TMEM67: variants seen among roughly 807,000 people sequenced by gnomAD.
The protein encoded by TMEM67 is transmembrane protein 67.
Under a neutral mutation model 136.6 loss-of-function variants are expected in TMEM67, and 124 were observed. The ratio of observed to expected loss-of-function variants is 0.91; its 90% CI spans 0.78 to 1.05. TMEM67 has a LOEUF of 1.05. TMEM67 is among the 50% of genes least tolerant of loss of function. The pLI, the probability that TMEM67 is intolerant of heterozygous loss-of-function variation, is 0.00. For missense variants in TMEM67, 1,107 were observed against 1,178.4 expected (o/e 0.94, Z 0.89); for synonymous variants, 364 against 390.5 (o/e 0.93, Z 0.80).
At chr8:93,791,132 C>T in intron 14 of TMEM67, 131 bp from the exon 15 acceptor site, 1 of 640,996 alleles carries the variant, frequency 1.6e-6, no homozygotes, top group Non-Finnish European at 2.8e-6. Flanking sequence ...TAAAGGTCAA[C>T]TCTAGTAATA....
chr8:93,819,195 A>AT (rs761600404), downstream of TMEM67: 5 of 440,494 alleles, frequency 1.1e-5, no homozygotes, highest in South Asian at 5.0e-5. Flanking sequence ...CCCAAAATAT[A>AT]TTTTTTTCTT....
rs1204237859 is a variant in TMEM67, at chr8:93,771,263, A to C, written c.652-1326A>C. On this transcript the variant is annotated intron_variant, in intron 6 of 27. Transcript: ENST00000453321. The stretch of plus-strand genomic sequence containing the variant: ...TTTTCTCTGTGCTTTTTTTTTTTTA[A>C]AAAAAAGCTTTATTATGAACTGTAG... Among the ~76,000 whole-genome samples, 3 of 149,708 alleles carry C rather than the reference A, an allele frequency of 2.0e-5. No homozygotes were observed. The East Asian group carries it at 5.8e-4, about 29-fold the overall frequency.
At chr8:93,827,776 T>C in the TMEM67 span, among the ~76,000 whole-genome samples, 1 of 151,504 alleles carries the variant, frequency 6.6e-6, no homozygotes, top group Non-Finnish European at 1.5e-5. Flanking sequence ...TTTTTTTTTT[T>C]ACTATGGAAC....
rs1808627617 is a variant in TMEM67 at position 93,809,865 on chromosome 8, G to A, written c.2742G>A (p.Met914Ile). 6.2e-7 allele frequency: 1 copy of A among 1,605,198 alleles called. No individual in the cohort carries two copies. Among genetic ancestry groups the A allele is most frequent in the Non-Finnish European group, 8.5e-7 (1 of 1,173,158 alleles). ...RILGMEFMEP[M>I]EKSIFYNDEG... is the part of the protein sequence containing the mutation. ...TTGGAATGGAATTCATGGAACCAAT[G>A]GAAAAAAGCATCTTTTACAATGGTA... Residue 914 changes from methionine (M) to isoleucine (I), a missense_variant, in exon 26 of 28, where the codon ATG (methionine) becomes ATA (isoleucine). Met to Ile is a conservative substitution (Grantham distance 10). Transcript: ENST00000453321.
At chr8:93,763,337 A>C (rs559380482) in intron 3 of TMEM67, among the ~76,000 whole-genome samples, 1 of 152,340 alleles carries the variant, frequency 6.6e-6, no homozygotes, top group South Asian at 2.1e-4. Context: ...GCCTCAGTGA[A>C]TATCCTTATA....
At chr8:93,782,281 G>T in intron 10 of TMEM67, 114 bp from the exon 11 acceptor site, 1 of 778,892 alleles carries the variant, frequency 1.3e-6, no homozygotes, top group Non-Finnish European at 2.2e-6. Context: ...TCATATCCTT[G>T]ATACATTAAA....
chr8:93,797,352 C>T lies in TMEM67; in HGVS notation c.1982C>T (p.Ala661Val), dbSNP rs1015328780. Residue 661 changes from alanine to valine, a missense_variant, in exon 20 of 28, where the codon GCC becomes GTC. Transcript: ENST00000453321. ...CCAGGTGAGGGTGGTGTACGAAGTG[C>T]CACTGTTCCTGTAAGCATATGGAGA... ...AVEGEGGVRS[A>V]TVPVSIWRTY... 1.9e-6 allele frequency: 3 copies of T among 1,614,032 alleles called. No homozygotes were observed. The highest frequency in any genetic ancestry group is 1.7e-6 in the Non-Finnish European group (2 of 1,179,956).
At chr8:93,771,535 A>G (rs1344643953) in intron 6 of TMEM67, among the ~76,000 whole-genome samples, 1 of 152,236 alleles carries the variant, frequency 6.6e-6, no homozygotes, top group South Asian at 2.1e-4. Flanking sequence ...GTATCTCCAG[A>G]GAATATTTAG....
chr8:93,787,306 C>T (rs1814156275), intron 13 of TMEM67, among the ~76,000 whole-genome samples: 1 of 151,648 alleles, frequency 6.6e-6, no homozygotes. Context: ...CGGGGTCTTG[C>T]TATGTTGCCC....
intron 7 of TMEM67, among the ~76,000 whole-genome samples, chr8:93,774,177 G>A (rs980712662): frequency 6.6e-6 from 1 of 151,974 alleles, no homozygotes; most frequent in Non-Finnish European, 1.5e-5. Flanking sequence ...ACCACACTCA[G>A]CTAATTTTTC....
chr8:93,776,772 T>TTTTG (rs1203399591), intron 7 of TMEM67, among the ~76,000 whole-genome samples: 4 of 152,186 alleles, frequency 2.6e-5, no homozygotes, highest in Non-Finnish European at 5.9e-5. Flanking sequence ...TATTGAGGAT[T>TTTTG]TTTGCATCGA....
Position 93,755,846 on chromosome 8 carries a change from A to T in TMEM67, c.292A>T (p.Lys98Ter). 1 of 1,590,852 alleles carries T rather than the reference A, an allele frequency of 6.3e-7. No homozygotes were observed. Among genetic ancestry groups the T allele is most frequent in the Non-Finnish European group, 8.6e-7 (1 of 1,166,394 alleles). The change falls in exon 2 of 28, where the codon AAA becomes TAA. Residue 98 changes from lysine to a stop codon, truncating the protein, a stop_gained. Coordinates refer to ENST00000453321, the MANE Select transcript of TMEM67 (RefSeq NM_153704.6). LOFTEE classifies it high-confidence loss of function. ...TAATGGAGGACCTGCTATTATTTGT[A>T]AAAAGTGCCCAGAAAACATGGTGCG... ...SNNGGPAIIC[K>*]KCPENMKGVT...
At chr8:93,771,617 G>T (rs779584156) in intron 6 of TMEM67, among the ~76,000 whole-genome samples, 1 of 152,184 alleles carries the variant, frequency 6.6e-6, no homozygotes, top group Non-Finnish European at 1.5e-5. Context: ...ATTGCTTTAA[G>T]ATAAATTTCC....
intron 7 of TMEM67, among the ~76,000 whole-genome samples, chr8:93,779,335 G>A (rs575838568): frequency 2.0e-5 from 3 of 152,208 alleles, no homozygotes; most frequent in Non-Finnish European, 4.4e-5. Context: ...TGTTATTACC[G>A]ACCTTCTGAA....
chr8:93,759,976 A>G, intron 3 of TMEM67: 1 of 1,530,160 alleles, frequency 6.5e-7, no homozygotes, highest in Non-Finnish European at 8.8e-7. Flanking sequence ...GGAATGTACA[A>G]CATAATTGAA....
the TMEM67 span, among the ~76,000 whole-genome samples, chr8:93,830,575 G>T: frequency 6.6e-6 from 1 of 152,172 alleles, no homozygotes; most frequent in African/African-American, 2.4e-5. Context: ...GTTGGTGTCC[G>T]CTGCAGAACT....
In TMEM67 at chr8:93,765,373, C is replaced by G. The variant is rs1209563338; in HGVS notation, c.507-33C>G. ...TATTAGGTTTAGTATAATTTATTAA[C>G]ATTTTTAAAATTATTTTTGTTATAT... is the stretch of plus-strand genomic sequence containing the variant. On this transcript the variant is annotated intron_variant, in intron 4 of 27. Transcript: ENST00000453321. 2.6e-6 allele frequency: 4 copies of G among 1,548,806 alleles called. No homozygotes were observed. The South Asian group carries it at 4.6e-5, about 18-fold the overall frequency.
Position 93,754,951 on chromosome 8 carries a change from G to A in TMEM67, c.37G>A (p.Val13Ile), listed in dbSNP as rs561584664. ...CGGTGGGGCTGGGGTGGCAATGGCGGTTTGGTCCCTCTTATCCGCCCGGGC... is the reference window on the plus strand; with the variant it reads ...CGGTGGGGCTGGGGTGGCAATGGCGATTTGGTCCCTCTTATCCGCCCGGGC... ...TRGGAGVAMA[V>I]WSLLSARAVT... is the part of the protein sequence containing the mutation. The change falls in exon 1 of 28, where the codon GTT becomes ATT. Residue 13 changes from valine to isoleucine, a missense_variant. Val to Ile is a conservative substitution (Grantham distance 29, BLOSUM62 3). This residue lies in a region of TMEM67 where 178 missense variants were observed against 159.2 expected (regional missense o/e 1.12). Coordinates refer to ENST00000453321, the MANE Select transcript of TMEM67 (RefSeq NM_153704.6). The A allele has an allele frequency of 7.6e-5, 123 of 1,614,028 alleles. No individual in the cohort carries two copies. The South Asian group carries it at 1.3e-3, about 17-fold the overall frequency.
chr8:93,827,006 T>A, the TMEM67 span, among the ~76,000 whole-genome samples: 2 of 152,050 alleles, frequency 1.3e-5, no homozygotes, highest in Non-Finnish European at 1.5e-5. Flanking sequence ...ATTTTTTGTA[T>A]TTTTAGTAGA....
Sources: allele counts gnomAD v4.1 joint callset (sites outside exome capture counted in the v4.1 genomes callset), GRCh38; gene constraint gnomAD v4.1.1; regional missense constraint gnomAD v4.1.1; transcripts MANE v1.5; gene names NCBI Gene and HGNC (gene_info 2026-07-23, HGNC 2026-07-21).